Variants in EXTL3 observed in about 807,000 individuals in gnomAD.
EXTL3 encodes the protein exostosin-like 3.
In EXTL3, 27 loss-of-function variants were observed where a neutral mutation model predicts 69.3. The observed-to-expected ratio is 0.39, with a 90% confidence interval of 0.29 to 0.54. EXTL3 has a LOEUF of 0.54. Among genes scored for constraint, EXTL3 ranks in the 20% least tolerant of loss-of-function variants. The probability of loss-of-function intolerance (pLI) is 0.69; values close to 1 mark genes in which losing one functional copy is unlikely to be tolerated. For synonymous variants in EXTL3, 511 were observed against 499.4 expected (o/e 1.02, Z -0.31); for missense variants, 1,003 against 1,231.8 (o/e 0.81, Z 2.78).
chr8:28,713,155 T>C (rs1442250242), intron 1 of EXTL3, among the ~76,000 whole-genome samples: 2 of 152,232 alleles, frequency 1.3e-5, no homozygotes, highest in African/African-American at 2.4e-5. Flanking sequence ...GACTTTTCCA[T>C]ATTTTAGTGT....
At chr8:28,677,583 A>G (rs571875949) in intron 1 of EXTL3, among the ~76,000 whole-genome samples, 1 of 152,348 alleles carries the variant, frequency 6.6e-6, no homozygotes, top group African/African-American at 2.4e-5. Flanking sequence ...AAGCTGTTTG[A>G]CAGCTCCCCT....
At chr8:28,700,112 TTC>T (rs1411191507), upstream of EXTL3, 1 of 152,196 alleles carries the variant, frequency 6.6e-6, no homozygotes, top group African/African-American at 2.4e-5. Flanking sequence ...CCTGCAATAC[TTC>T]TGATTTTTAA....
Position 28,718,171 on chromosome 8 carries a change from G to A in EXTL3, c.2112G>A (p.Glu704=). Residue 704 remains glutamate, a synonymous_variant, in exon 3 of 7, where the codon GAG becomes GAA. Transcript: ENST00000220562. ...GGAATTCTCCCAAGCTGCCATCAGAGGACCTTCTGTGGCCTGACATTGGCG... is the reference window on the plus strand; with the variant it reads ...GGAATTCTCCCAAGCTGCCATCAGAAGACCTTCTGTGGCCTGACATTGGCG... The part of the protein sequence containing the change: ...VVWNSPKLPS[E]DLLWPDIGVP... 6.2e-7 allele frequency: 1 copy of A among 1,614,218 alleles called. No homozygotes were observed. Among genetic ancestry groups the A allele is most frequent in the Non-Finnish European group, 8.5e-7 (1 of 1,180,036 alleles).
intron 1 of EXTL3, among the ~76,000 whole-genome samples, chr8:28,646,500 C>A (rs947310721): frequency 2.6e-5 from 4 of 152,178 alleles, no homozygotes; most frequent in Non-Finnish European, 5.9e-5. Context: ...TGGAGAATGC[C>A]TTTCTCATTA....
chr8:28,652,151 A>C (rs1806934048), intron 1 of EXTL3, among the ~76,000 whole-genome samples: 1 of 151,988 alleles, frequency 6.6e-6, no homozygotes, highest in African/African-American at 2.4e-5. Flanking sequence ...CTCAATGAAC[A>C]TTGGTGTGCA....
chr8:28,615,174 T>G (rs1806316974), intron 2 of EXTL3, among the ~76,000 whole-genome samples: 1 of 152,242 alleles, frequency 6.6e-6, no homozygotes, highest in Non-Finnish European at 1.5e-5. Context: ...GAATGTGGTC[T>G]ACCTTTGTCA....
At position 28,716,084 on chromosome 8, in the gene EXTL3, A is replaced by G. The variant is rs1312963540; in HGVS notation, c.25A>G (p.Asn9Asp). Residue 9 changes from asparagine to aspartate, a missense_variant, in exon 3 of 7, where the codon AAT becomes GAT. Physicochemically the swap from Asn to Asp is conservative, Grantham distance 23. This residue lies in a region of EXTL3 where 742 missense variants were observed against 815.4 expected (regional missense o/e 0.91). Transcript: ENST00000220562. This position sits in a 1 kb window ranked among gnomAD's most constrained non-coding sequence, Gnocchi z 7.1. ...CATGACAGGCTATACCATGCTGCGG[A>G]ATGGGGGCGCGGGGAACGGAGGTCA... is the stretch of plus-strand genomic sequence containing the variant. MTGYTMLR[N>D]GGAGNGGQTC... 1 of 1,610,254 alleles carries G rather than the reference A, an allele frequency of 6.2e-7. No individual in the cohort carries two copies. The highest frequency in any genetic ancestry group is 1.7e-5 in the Admixed American group (1 of 59,998).
At chr8:28,625,396 A>G (rs1806476267) in intron 1 of EXTL3, among the ~76,000 whole-genome samples, 1 of 152,224 alleles carries the variant, frequency 6.6e-6, no homozygotes, top group Non-Finnish European at 1.5e-5. Context: ...AGAAAGAACA[A>G]TAGAGAGGAA....
Position 28,715,983 on chromosome 8 carries a change from G to C in EXTL3, c.-77G>C. 8.3e-7 allele frequency: 1 copy of C among 1,201,616 alleles called. No homozygotes were observed. Among genetic ancestry groups the C allele is most frequent in the East Asian group, 2.3e-5 (1 of 42,576 alleles). The allele number at this position is 1,201,616 out of a possible 1,614,324, so 74.4% of individuals were successfully genotyped here. A position where few individuals can be genotyped will look rare whatever the true frequency, so the allele number is the denominator to read the frequency against. On this transcript the variant is annotated 5_prime_UTR_variant, in exon 3 of 7. Coordinates refer to ENST00000220562, the MANE Select transcript of EXTL3 (RefSeq NM_001440.4). ...TCTGGAAACGTGTCAGTGAAACAGA[G>C]ATCGTTTTGTGGAATAGCAACCCAT...
At chr8:28,636,661 A>G (rs1368125545) in intron 1 of EXTL3, among the ~76,000 whole-genome samples, 2 of 152,106 alleles carry the variant, frequency 1.3e-5, no homozygotes, top group Non-Finnish European at 2.9e-5. Context: ...GCCTGTTGTG[A>G]GTTCCTAGGG....
At position 28,735,016 on chromosome 8, in the gene EXTL3, T is replaced by C. The variant is rs145553088; in HGVS notation, c.2277-2503T>C. Among the ~76,000 whole-genome samples the C allele has an allele frequency of 4.4e-3, 664 of 152,348 alleles. 9 individuals are homozygous for C. Among genetic ancestry groups the C allele is most frequent in the African/African-American group, 0.015 (642 of 41,576 alleles). On this transcript the variant is annotated intron_variant, in intron 4 of 6. Transcript: ENST00000220562. ...CCCACCCAGCCTCTCACATTTCCTT[T>C]GACCTCTTGCTTAGTGTATTATTGA...
chr8:28,615,212 T>G (rs1045426549), intron 2 of EXTL3, among the ~76,000 whole-genome samples: 9 of 152,182 alleles, frequency 5.9e-5, no homozygotes, highest in African/African-American at 1.4e-4. Context: ...GAGAAGAATT[T>G]GTAATTTGCT....
At chr8:28,748,979 C>A (rs575400004) in intron 6 of EXTL3, among the ~76,000 whole-genome samples, 39 of 152,192 alleles carry the variant, frequency 2.6e-4, no homozygotes, top group Non-Finnish European at 4.4e-4. Flanking sequence ...GTCGTCGATA[C>A]CCTTGGACTG....
intron 3 of EXTL3, 45 bp from the exon 4 acceptor site, chr8:28,731,178 C>G (rs776470977): frequency 6.2e-7 from 1 of 1,613,784 alleles, no homozygotes; most frequent in Non-Finnish European, 8.5e-7. Context: ...TTTGGCCTTT[C>G]ATAACACAGC....
At chr8:28,629,474 A>G (rs1399824432) in intron 1 of EXTL3, among the ~76,000 whole-genome samples, 2 of 151,840 alleles carry the variant, frequency 1.3e-5, no homozygotes, top group African/African-American at 2.4e-5. Context: ...ATCTTCTCCA[A>G]TTTCTAGTTT....
intron 1 of EXTL3, chr8:28,710,504 G>A (rs1362460544): frequency 2.2e-6 from 1 of 455,994 alleles, no homozygotes; most frequent in Non-Finnish European, 4.4e-6. Context: ...AAATGAAGGT[G>A]TAAGTGGGGA....
intron 1 of EXTL3, among the ~76,000 whole-genome samples, chr8:28,669,648 C>T (rs562856093): frequency 1.3e-5 from 2 of 152,208 alleles, no homozygotes; most frequent in East Asian, 3.9e-4. Context: ...GGAATCTGTC[C>T]CCATAATTCA....
At chr8:28,674,118 C>T (rs769101480) in intron 1 of EXTL3, among the ~76,000 whole-genome samples, 29 of 152,166 alleles carry the variant, frequency 1.9e-4, no homozygotes, top group Non-Finnish European at 3.1e-4. Context: ...CTTACTCTGT[C>T]ACCCCAGCTG....
intron 1 of EXTL3, among the ~76,000 whole-genome samples, chr8:28,669,414 C>G (rs1807250809): frequency 6.6e-6 from 1 of 152,230 alleles, no homozygotes; most frequent in Non-Finnish European, 1.5e-5. Context: ...TCATGCCTAT[C>G]AAATGCTTCT....
Sources: gnomAD v4.1 joint callset for allele counts (sites outside exome capture counted in the v4.1 genomes callset) on GRCh38, gnomAD v4.1.1 for gene constraint, gnomAD v4.1.1 regional missense constraint, Gnocchi (gnomAD v3.1) non-coding constraint, MANE v1.5 for transcripts, NCBI Gene and HGNC (gene_info 2026-07-23, HGNC 2026-07-21) for gene names.